Variants in NDUFAF7 observed in about 807,000 individuals in gnomAD.
The protein encoded by NDUFAF7 is NADH:ubiquinone oxidoreductase complex assembly factor 7.
NDUFAF7 carries 48 observed loss-of-function variants against 47.2 expected under a neutral mutation model. The observed-to-expected ratio is 1.02, with a 90% CI of 0.81 to 1.29. The LOEUF is 1.29. Ranked by LOEUF, NDUFAF7 falls within the 50% of genes most tolerant of loss-of-function variation. The probability of loss-of-function intolerance (pLI) is 0.00; values close to 1 mark genes in which losing one functional copy is unlikely to be tolerated. For synonymous variants in NDUFAF7, 217 were observed against 190.0 expected (o/e 1.14, Z -1.17); for missense variants, 635 against 537.6 (o/e 1.18, Z -1.79).
At position 37,233,484 on chromosome 2, in the gene NDUFAF7, C is replaced by T. The variant is rs369910218; in HGVS notation, c.216+1218C>T. Among the ~76,000 whole-genome samples, 76 of 152,122 alleles carry T rather than the reference C, an allele frequency of 5.0e-4. 1 individual carries two copies. The South Asian group carries it at 0.015, about 30-fold the overall frequency. Reference sequence around the variant, plus strand: ...CTCTATTAAAAATACAAAAATTAGCCGGGCGTGGTGGCTTGTGCCTGTAAT... The same window carrying T: ...CTCTATTAAAAATACAAAAATTAGCTGGGCGTGGTGGCTTGTGCCTGTAAT... On this transcript the variant is annotated intron_variant, in intron 2 of 9. Transcript: ENST00000002125.
downstream of NDUFAF7, among the ~76,000 whole-genome samples, chr2:37,255,264 T>C (rs978474521): frequency 3.3e-5 from 5 of 152,046 alleles, no homozygotes; most frequent in African/African-American, 1.2e-4. Context: ...TTTTCCCAGT[T>C]TGATGGAATA....
At chr2:37,269,512 G>T in the NDUFAF7 span, 1 of 952,800 alleles carries the variant, frequency 1.0e-6, no homozygotes. Flanking sequence ...TAAAAAAAAG[G>T]CACTGGACAA....
intron 2 of NDUFAF7, among the ~76,000 whole-genome samples, chr2:37,234,321 G>C (rs1161527072): frequency 6.6e-6 from 1 of 152,080 alleles, no homozygotes; most frequent in African/African-American, 2.4e-5. Flanking sequence ...TGAACTCCTG[G>C]CCTCATATGA....
chr2:37,248,100 C>G, intron 9 of NDUFAF7, 35 bp from the exon 10 acceptor site: 3 of 1,512,836 alleles, frequency 2.0e-6, no homozygotes, highest in Non-Finnish European at 2.7e-6. Flanking sequence ...ATCCTGTCTT[C>G]TGGTTATTTT....
Position 37,232,119 on chromosome 2 carries a change from T to C in NDUFAF7, c.69T>C (p.Ile23=). The change falls in exon 2 of 10, where the codon ATT becomes ATC. Residue 23 remains isoleucine, a synonymous_variant. Transcript: ENST00000002125. ...CAVARAAIPF[I]WRGKYFSSGN... ...TGTTTTTCGCAGCCATTCCTTTTAT[T>C]TGGAGAGGGAAATACTTCAGCTCCG... is the stretch of plus-strand genomic sequence containing the variant. 2 of 1,614,208 alleles carry C rather than the reference T, an allele frequency of 1.2e-6. No individual in the cohort carries two copies. Among genetic ancestry groups the C allele is most frequent in the Non-Finnish European group, 1.7e-6 (2 of 1,180,034 alleles).
downstream of NDUFAF7, chr2:37,253,464 A>T (rs1572593979): frequency 1.2e-6 from 1 of 803,134 alleles, no homozygotes; most frequent in African/African-American, 1.7e-5. Context: ...AATAATTGAC[A>T]GGCGCTACTC....
intron 7 of NDUFAF7, among the ~76,000 whole-genome samples, chr2:37,244,842 A>T (rs1416156345): frequency 6.6e-6 from 1 of 152,226 alleles, no homozygotes; most frequent in African/African-American, 2.4e-5. Flanking sequence ...TGAATGACAT[A>T]TTCATAGAAC....
downstream of NDUFAF7, among the ~76,000 whole-genome samples, chr2:37,255,382 A>G (rs2300892): frequency 0.13 from 19,147 of 152,202 alleles, 1,419 homozygotes; most frequent in South Asian, 0.26. Context: ...CACTGGTTCT[A>G]TTAACTTCTA....
chr2:37,232,102 G>T lies in NDUFAF7; in HGVS notation c.56-4G>T. On this transcript the variant is annotated splice_region_variant and splice_polypyrimidine_tract_variant and intron_variant, in intron 1 of 9. Transcript: ENST00000002125. Reference sequence around the variant, plus strand: ...GGGGTCTGTTTAATTTGTGTTTTTCGCAGCCATTCCTTTTATTTGGAGAGG... The same window carrying T: ...GGGGTCTGTTTAATTTGTGTTTTTCTCAGCCATTCCTTTTATTTGGAGAGG... The T allele has an allele frequency of 6.2e-7, 1 of 1,614,200 alleles. No individual in the cohort carries two copies. Among genetic ancestry groups the T allele is most frequent in the Non-Finnish European group, 8.5e-7 (1 of 1,180,034 alleles).
At chr2:37,233,621 CAAAAA>C (rs1175933313) in intron 2 of NDUFAF7, among the ~76,000 whole-genome samples, 1 of 62,480 alleles carries the variant, frequency 1.6e-5, no homozygotes, top group African/African-American at 5.9e-5. Flanking sequence ...GACTCTGTCT[CAAAAA>C]AAAAAAAAAA....
downstream of NDUFAF7, chr2:37,250,405 A>G (rs1367508052): frequency 6.6e-6 from 1 of 152,160 alleles, no homozygotes; most frequent in East Asian, 1.9e-4. Context: ...TTAACTTTTT[A>G]AAGCCTTCTG....
chr2:37,259,868 A>C, the NDUFAF7 span, among the ~76,000 whole-genome samples: 1 of 152,182 alleles, frequency 6.6e-6, no homozygotes, highest in Non-Finnish European at 1.5e-5. Context: ...CTGCTATTTA[A>C]TTATTTTAGT....
downstream of NDUFAF7, chr2:37,252,861 A>ATATG (rs1370221023): frequency 2.7e-5 from 4 of 149,176 alleles, no homozygotes; most frequent in Admixed American, 2.0e-4. Flanking sequence ...ATATATATAT[A>ATATG]TAAAGAGAAA....
chr2:37,262,396 A>G, the NDUFAF7 span, among the ~76,000 whole-genome samples: 1 of 152,214 alleles, frequency 6.6e-6, no homozygotes, highest in Non-Finnish European at 1.5e-5. Flanking sequence ...CAATATCTGC[A>G]TCATAGTAGG....
In NDUFAF7 at chr2:37,231,755, G is replaced by C; in HGVS notation, c.50G>C (p.Arg17Pro). The C allele has an allele frequency of 6.2e-7, 1 of 1,614,176 alleles. No individual in the cohort carries two copies. The highest frequency in any genetic ancestry group is 8.5e-7 in the Non-Finnish European group (1 of 1,180,024). Residue 17 changes from arginine to proline, a missense_variant, in exon 1 of 10, where the codon CGC becomes CCC. By Grantham distance (103) the Arg-to-Pro change is moderately radical. Transcript: ENST00000002125. ...TTGGGGCCGTTGTGTGCCGTGGCGC[G>C]CGCAGGTAAGCGTCAGTCCCCTCGA... Reference protein sequence around the residue: ...SGLGPLCAVARAAIPFIWRGK... With the variant: ...SGLGPLCAVAPAAIPFIWRGK...
At chr2:37,241,529 T>TA in intron 4 of NDUFAF7, 49 bp from the exon 5 acceptor site, 11 of 1,446,898 alleles carry the variant, frequency 7.6e-6, no homozygotes, top group Non-Finnish European at 1.1e-5. Context: ...TTAGGAAACT[T>TA]AAAACCTACT....
chr2:37,263,665 C>G, the NDUFAF7 span, among the ~76,000 whole-genome samples: 1 of 152,132 alleles, frequency 6.6e-6, no homozygotes, highest in Admixed American at 6.6e-5. Flanking sequence ...CAGATCATGA[C>G]CCTCAAATGG....
downstream of NDUFAF7, chr2:37,254,414 C>A: frequency 3.0e-6 from 2 of 677,174 alleles, no homozygotes; most frequent in African/African-American, 1.8e-5. Flanking sequence ...TTCTCAAGGA[C>A]GTGGACTTTT....
At chr2:37,271,263 C>T in the NDUFAF7 span, among the ~76,000 whole-genome samples, 1 of 152,038 alleles carries the variant, frequency 6.6e-6, no homozygotes, top group African/African-American at 2.4e-5. Flanking sequence ...CAAACTCCAG[C>T]TTGTGGGCAA....
Sources: gnomAD v4.1 joint callset for allele counts (sites outside exome capture counted in the v4.1 genomes callset) on GRCh38, gnomAD v4.1.1 for gene constraint, MANE v1.5 for transcripts, NCBI Gene and HGNC (gene_info 2026-07-23, HGNC 2026-07-21) for gene names.